Variants in TSR3 observed in about 807,000 individuals in gnomAD.
The protein encoded by TSR3 is TSR3 ribosome maturation factor.
In TSR3, 31 loss-of-function variants were observed where a neutral mutation model predicts 28.1. That is an observed-to-expected ratio of 1.10 (90% confidence interval 0.83 to 1.49). The LOEUF (loss-of-function observed/expected upper bound fraction) is 1.49, where lower values mean the gene tolerates loss of function less well. Among genes scored for constraint, TSR3 ranks in the 40% most tolerant of loss-of-function variants. The probability of loss-of-function intolerance (pLI) is 0.00; values close to 1 mark genes in which losing one functional copy is unlikely to be tolerated. For synonymous variants in TSR3, 219 were observed against 197.2 expected, an observed-to-expected ratio of 1.11 and a Z score of -0.93; for missense variants, 511 against 444.0, an observed-to-expected ratio of 1.15 and a Z score of -1.36.
chr16:1,349,394 T>G lies in TSR3; in HGVS notation c.*43A>C. On this transcript the variant is annotated 3_prime_UTR_variant, in exon 6 of 6. Transcript: ENST00000007390. The stretch of plus-strand genomic sequence containing the variant: ...CATTTATGTCCCTCATGTCTCTAGA[T>G]TTTCTCGTCACCCAGCCTCAAAAAT... 6.2e-7 allele frequency: 1 copy of G among 1,611,056 alleles called. No homozygotes were observed. The highest frequency in any genetic ancestry group is 8.5e-7 in the Non-Finnish European group (1 of 1,177,942).
In TSR3 at chr16:1,349,442, C is replaced by CGAGA. The variant is rs1476241416; in HGVS notation, c.933_934insTCTC (p.Asp312SerfsTer15). On this transcript the variant is annotated frameshift_variant, in exon 6 of 6. Coordinates refer to ENST00000007390, the MANE Select transcript of TSR3 (RefSeq NM_001001410.3). LOFTEE classifies it high-confidence loss of function. ...AATATATGTGTCTGCAACCCTCAGT[C>CGAGA]TCTCTGCCGTTTCTTGATTCCTTTC... 6.2e-7 allele frequency: 1 copy of CGAGA among 1,613,608 alleles called. No individual in the cohort carries two copies. Among genetic ancestry groups the CGAGA allele is most frequent in the Non-Finnish European group, 8.5e-7 (1 of 1,179,868 alleles).
chr16:1,349,622 G>A lies in TSR3; in HGVS notation c.768-14C>T, dbSNP rs1282193010. ...TCCGAGGGCAGCCTGGGAGAGGAGG[G>A]GGAGCACGTTCCCAAATGACGTCCT... On this transcript the variant is annotated splice_polypyrimidine_tract_variant and intron_variant, in intron 5 of 5. Coordinates refer to ENST00000007390, the MANE Select transcript of TSR3 (RefSeq NM_001001410.3). 42 of 1,574,994 alleles carry A rather than the reference G, an allele frequency of 2.7e-5. No individual in the cohort carries two copies. Among genetic ancestry groups the A allele is most frequent in the Non-Finnish European group, 3.5e-5 (41 of 1,160,902 alleles).
chr16:1,349,320 G>C lies in TSR3; in HGVS notation c.*117C>G. The C allele has an allele frequency of 1.1e-5, 13 of 1,165,418 alleles. No individual in the cohort carries two copies. The highest frequency in any genetic ancestry group is 1.7e-5 in the Non-Finnish European group (13 of 776,512). 72.2% of individuals were successfully genotyped at this position (1,165,418 alleles called of 1,614,324 possible). ...TGTGCTGGAAGTGTGGGGAGAACCC[G>C]GACAGCTCAGTCCTGCCAGCAGCCG... On this transcript the variant is annotated 3_prime_UTR_variant, in exon 6 of 6. Transcript: ENST00000007390.
At position 1,350,058 on chromosome 16, in the gene TSR3, C is replaced by G. The variant is rs770547806; in HGVS notation, c.703G>C (p.Asp235His). The G allele has an allele frequency of 6.2e-7, 1 of 1,607,540 alleles. No homozygotes were observed. Among genetic ancestry groups the G allele is most frequent in the Non-Finnish European group, 8.5e-7 (1 of 1,175,900 alleles). ...AKESPQEEEI[D>H]PFDVDSGREF... ...TGGTTCCCACCCCGCCAAGGCTCAC[C>G]GATCTCCTCCTCCTGGGGGCTCTCC... Residue 235 changes from aspartate (D) to histidine (H), a missense_variant and splice_region_variant, in exon 4 of 6, where the codon GAT (aspartate) becomes CAT (histidine). By Grantham distance (81) the Asp-to-His change is moderately conservative. Coordinates refer to ENST00000007390, the MANE Select transcript of TSR3 (RefSeq NM_001001410.3).
intron 2 of TSR3, 27 bp from the exon 3 acceptor site, chr16:1,351,027 C>T: frequency 6.2e-7 from 1 of 1,606,434 alleles, no homozygotes; most frequent in Non-Finnish European, 8.5e-7. Flanking sequence ...GGGATAAGTT[C>T]AGGAGCCAGC....
chr16:1,349,838 A>C, intron 5 of TSR3, 51 bp downstream of exon 5: 5 of 1,597,988 alleles, frequency 3.1e-6, no homozygotes, highest in Non-Finnish European at 4.3e-6. Context: ...GGCCAGAGGT[A>C]GAAGAGAGCC....
chr16:1,351,825 G>C lies in TSR3; in HGVS notation c.-21C>G, dbSNP rs868174441. The C allele has an allele frequency of 1.8e-4, 234 of 1,303,316 alleles. No homozygotes were observed. In the Middle Eastern group the frequency reaches 3.8e-3, roughly 21 times the overall value. The allele number at this position is 1,303,316 out of a possible 1,614,324, so 80.7% of individuals were successfully genotyped here. A position where few individuals can be genotyped will look rare whatever the true frequency, so the allele number is the denominator to read the frequency against. On this transcript the variant is annotated 5_prime_UTR_variant, in exon 1 of 6. Coordinates refer to ENST00000007390, the MANE Select transcript of TSR3 (RefSeq NM_001001410.3). ...CCCATGGCGCGGACCTGGGGTGCCGGGGACTCCCCACCCCACGGCCGCGCC... is the reference window on the plus strand; with the variant it reads ...CCCATGGCGCGGACCTGGGGTGCCGCGGACTCCCCACCCCACGGCCGCGCC...
At chr16:1,351,291 G>A in intron 2 of TSR3, 88 bp downstream of exon 2, 1 of 1,368,286 alleles carries the variant, frequency 7.3e-7, no homozygotes. Context: ...GTGGATGTGG[G>A]TGCGACATAC....
chr16:1,349,867 G>C, intron 5 of TSR3, 22 bp downstream of exon 5: 1 of 1,613,380 alleles, frequency 6.2e-7, no homozygotes, highest in African/African-American at 1.3e-5. Flanking sequence ...GAGTGATCAT[G>C]AAATTAAGCC....
In TSR3 at chr16:1,350,987, G is replaced by A; in HGVS notation, c.346C>T (p.Gln116Ter). 3 of 1,611,804 alleles carry A rather than the reference G, an allele frequency of 1.9e-6. No individual in the cohort carries two copies. Among genetic ancestry groups the A allele is most frequent in the Non-Finnish European group, 2.5e-6 (3 of 1,179,804 alleles). The change falls in exon 3 of 6, where the codon CAG (glutamine) becomes TAG (stop). Residue 116 changes from glutamine to a stop codon, truncating the protein, a stop_gained. Transcript: ENST00000007390. LOFTEE classifies it high-confidence loss of function. Reference protein sequence around the residue: ...ASPADRQLVAQSGVAVIDCSW... With the variant: ...ASPADRQLVA ...CAGTCGATGACGGCGACCCCAGACTGCGCCACCAGCTGTCTGCCAGGGACA... is the reference window on the plus strand; with the variant it reads ...CAGTCGATGACGGCGACCCCAGACTACGCCACCAGCTGTCTGCCAGGGACA...
chr16:1,350,739 A>G (rs2034649012), intron 3 of TSR3, 68 bp downstream of exon 3: 3 of 1,537,652 alleles, frequency 2.0e-6, no homozygotes, highest in Non-Finnish European at 2.7e-6. Context: ...GGCAGGAAAC[A>G]TGATGCTGGG....
At chr16:1,351,098 T>G in intron 2 of TSR3, 98 bp from the exon 3 acceptor site, 1 of 1,319,248 alleles carries the variant, frequency 7.6e-7, no homozygotes, top group Non-Finnish European at 1.0e-6. Flanking sequence ...GGGACATCAT[T>G]CCGCCATCCC....
chr16:1,350,441 C>G (rs904541789), intron 3 of TSR3, among the ~76,000 whole-genome samples: 1 of 152,182 alleles, frequency 6.6e-6, no homozygotes, highest in South Asian at 2.1e-4. Flanking sequence ...AAGTCCCCCT[C>G]CTTTGCTGCG....
Position 1,349,243 on chromosome 16 carries a change from T to C in TSR3, c.*194A>G. The C allele has an allele frequency of 3.0e-6, 2 of 671,226 alleles. No homozygotes were observed. The highest frequency in any genetic ancestry group is 1.8e-5 in the South Asian group (1 of 56,672). 41.6% of individuals were successfully genotyped at this position (671,226 alleles called of 1,614,324 possible). A position where few individuals can be genotyped will look rare whatever the true frequency, so the allele number is the denominator to read the frequency against. ...GAAAAACAGACTCACAAGGGGCTTCTTGGCCTGCAGCTTCATTTGCGAGAG... is the reference window on the plus strand; with the variant it reads ...GAAAAACAGACTCACAAGGGGCTTCCTGGCCTGCAGCTTCATTTGCGAGAG... On this transcript the variant is annotated 3_prime_UTR_variant, in exon 6 of 6. Coordinates refer to ENST00000007390, the MANE Select transcript of TSR3 (RefSeq NM_001001410.3).
intron 2 of TSR3, 149 bp from the exon 3 acceptor site, chr16:1,351,149 C>T: frequency 1.0e-6 from 1 of 997,810 alleles, no homozygotes. Flanking sequence ...GCTTTTGAGG[C>T]AGCTGCTTGG....
rs375746230 is a variant in TSR3, at chr16:1,349,890, G to T, written c.766C>A (p.Arg256=). The change falls in exon 5 of 6, where the codon CGG becomes AGG. Residue 256 remains arginine (R), a splice_region_variant and synonymous_variant. Transcript: ENST00000007390. The part of the protein sequence containing the change: ...GNPNRPVAST[R]LPSDTDDSDA... ...ATGAAATTAAGCCCAAGGACCTACCGGGTGCTGGCCACAGGCCTGTTGGGG... is the reference window on the plus strand; with the variant it reads ...ATGAAATTAAGCCCAAGGACCTACCTGGTGCTGGCCACAGGCCTGTTGGGG... 1 of 1,613,694 alleles carries T rather than the reference G, an allele frequency of 6.2e-7. No individual in the cohort carries two copies. Among genetic ancestry groups the T allele is most frequent in the South Asian group, 1.1e-5 (1 of 91,066 alleles).
intron 5 of TSR3, 111 bp downstream of exon 5, chr16:1,349,778 C>A: frequency 6.9e-7 from 1 of 1,439,466 alleles, no homozygotes. Flanking sequence ...AGTCAGAAGA[C>A]CATCGGGGTG....
rs943668495 is a variant in TSR3 at position 1,351,524 on chromosome 16, A to G, written c.187T>C (p.Trp63Arg). The change falls in exon 2 of 6, where the codon TGG (tryptophan) becomes CGG (arginine). Residue 63 changes from tryptophan (W) to arginine (R), a missense_variant. Coordinates refer to ENST00000007390, the MANE Select transcript of TSR3 (RefSeq NM_001001410.3). ...CGGGGGTCGCAGTGGCCCAACTCCCACATGGCCAGCGTGCAGGGCAGCGCC... is the reference window on the plus strand; with the variant it reads ...CGGGGGTCGCAGTGGCCCAACTCCCGCATGGCCAGCGTGCAGGGCAGCGCC... ...PAALPCTLAM[W>R]ELGHCDPRRC... 3 of 1,523,458 alleles carry G rather than the reference A, an allele frequency of 2.0e-6. No homozygotes were observed. Among genetic ancestry groups the G allele is most frequent in the African/African-American group, 1.4e-5 (1 of 71,046 alleles). 94.4% of individuals were successfully genotyped at this position (1,523,458 alleles called of 1,614,324 possible).
chr16:1,350,043 CCCG>C lies in TSR3; in HGVS notation c.703+12_703+14del, dbSNP rs1283411139. 2 of 1,607,476 alleles carry C rather than the reference CCCG, an allele frequency of 1.2e-6. No homozygotes were observed. The highest frequency in any genetic ancestry group is 2.7e-5 in the African/African-American group (2 of 74,908). On this transcript the variant is annotated intron_variant, in intron 4 of 5. Transcript: ENST00000007390. ...GGCTTTGGAGGGCCTTGGTTCCCAC[CCCG>C]CCAAGGCTCACCGATCTCCTCCTCC...
Sources: allele counts gnomAD v4.1 joint callset (sites outside exome capture counted in the v4.1 genomes callset), GRCh38; gene constraint gnomAD v4.1.1; transcripts MANE v1.5; gene names NCBI Gene and HGNC (gene_info 2026-07-23, HGNC 2026-07-21).